Variants in MICAL3 observed in about 807,000 individuals in gnomAD.
The protein encoded by MICAL3 is microtubule associated monooxygenase, calponin and LIM domain containing 3.
A neutral mutation model predicts 207.4 loss-of-function variants in MICAL3; 62 were observed. The observed-to-expected ratio is 0.30, with a 90% CI of 0.24 to 0.37. The LOEUF is 0.37. Ranked by LOEUF, MICAL3 falls within the 10% of genes least tolerant of loss-of-function variation. MICAL3 has a pLI of 1.00. For missense variants in MICAL3, 2,368 were observed against 2,635.6 expected, an observed-to-expected ratio of 0.90 and a Z score of 2.22; for synonymous variants, 1,077 against 1,069.3, an observed-to-expected ratio of 1.01 and a Z score of -0.14.
chr22:17,969,347 A>T (rs929261682), intron 1 of MICAL3, among the ~76,000 whole-genome samples: 1 of 152,112 alleles, frequency 6.6e-6, no homozygotes, highest in Non-Finnish European at 1.5e-5. Context: ...CCAAATGAGG[A>T]CTCTTGTAGA....
intron 1 of MICAL3, among the ~76,000 whole-genome samples, chr22:17,907,723 T>C (rs907252814): frequency 4.6e-5 from 7 of 151,966 alleles, no homozygotes; most frequent in African/African-American, 1.5e-4. Flanking sequence ...TCTTAAAAGA[T>C]GAGGAACAGT....
At chr22:18,000,943 G>A (rs1036719182) in intron 1 of MICAL3, 3 of 152,112 alleles carry the variant, frequency 2.0e-5, no homozygotes, top group Non-Finnish European at 4.4e-5. Flanking sequence ...GGTAAAGACA[G>A]AGACCTCCCC....
At chr22:17,922,656 C>A (rs748450388) in intron 1 of MICAL3, among the ~76,000 whole-genome samples, 39 of 152,058 alleles carry the variant, frequency 2.6e-4, no homozygotes, top group Admixed American at 1.1e-3. Context: ...TGGCTCGGGA[C>A]GAAAGAAAAC....
intron 16 of MICAL3, chr22:17,875,682 TAAAAAAA>T: frequency 1.8e-5 from 3 of 169,642 alleles, no homozygotes; most frequent in East Asian, 1.8e-4. Context: ...CCATGTATAG[TAAAAAAA>T]AAAAAAAAAA....
rs1931255083 is a variant in MICAL3 at position 17,900,761 on chromosome 22, C to G, written c.847+81G>C. The G allele has an allele frequency of 1.5e-6, 2 of 1,314,444 alleles. No individual in the cohort carries two copies. Among genetic ancestry groups the G allele is most frequent in the Non-Finnish European group, 2.2e-6 (2 of 922,600 alleles). 81.4% of individuals were successfully genotyped at this position (1,314,444 alleles called of 1,614,324 possible). ...TGCAGGAGGGACACCGACGGCCACT[C>G]ACCCCACCAATCCCCCAAGAAAAAG... is the stretch of plus-strand genomic sequence containing the variant. On this transcript the variant is annotated intron_variant, in intron 6 of 31. Coordinates refer to ENST00000441493, the MANE Select transcript of MICAL3 (RefSeq NM_015241.3). The surrounding 1 kb of genome is among the most constrained non-coding windows in gnomAD (Gnocchi z 4.0).
chr22:17,834,624 C>T, intron 20 of MICAL3: 3 of 1,082,086 alleles, frequency 2.8e-6, no homozygotes, highest in Non-Finnish European at 3.4e-6. Flanking sequence ...AAGGTGTACG[C>T]ACATCATGCT....
At chr22:17,822,689 C>T (rs1222924218) in intron 23 of MICAL3, among the ~76,000 whole-genome samples, 1 of 152,200 alleles carries the variant, frequency 6.6e-6, no homozygotes, top group Non-Finnish European at 1.5e-5. Flanking sequence ...GGGAGCCAGT[C>T]AGCAGAATTA....
Position 17,827,548 on chromosome 22 carries a change from G to A in MICAL3, c.3193+96C>T. 2.9e-6 allele frequency: 4 copies of A among 1,364,790 alleles called. No individual in the cohort carries two copies. The South Asian group carries it at 6.1e-5, about 21-fold the overall frequency. The allele number at this position is 1,364,790 out of a possible 1,614,324, so 84.5% of individuals were successfully genotyped here. A position where few individuals can be genotyped will look rare whatever the true frequency, so the allele number is the denominator to read the frequency against. On this transcript the variant is annotated intron_variant, in intron 22 of 31. Transcript: ENST00000441493. ...CTGGCTCCCGTGTGTGACCTCATGG[G>A]TGGCTCTGCCCTGACAGAAAGGCCC... is the stretch of plus-strand genomic sequence containing the variant.
At chr22:18,012,081 A>G (rs1008852303) in intron 1 of MICAL3, among the ~76,000 whole-genome samples, 1 of 152,020 alleles carries the variant, frequency 6.6e-6, no homozygotes, top group Non-Finnish European at 1.5e-5. Flanking sequence ...CTAAAAATAG[A>G]AAAATTAGCC....
rs376340214 is a variant in MICAL3, at chr22:17,818,428, C to T, written c.4233G>A (p.Glu1411=). 4.4e-5 allele frequency: 71 copies of T among 1,612,624 alleles called. No individual in the cohort carries two copies. In the African/African-American group the frequency reaches 8.7e-4, roughly 20 times the overall value. ...LPTPRSPSDR[E]LRSAQEERRE... is the part of the protein sequence containing the mutation. ...TGCGCTCCTCCTGGGCGCTGCGTAG[C>T]TCTCTGTCGGACGGGGACCGGGGGG... The change falls in exon 26 of 32, where the codon GAG becomes GAA. Residue 1411 remains glutamate (E), a synonymous_variant. Transcript: ENST00000441493.
At chr22:17,925,342 C>CAGTATAGATT (rs1458637651) in intron 1 of MICAL3, among the ~76,000 whole-genome samples, 3 of 152,176 alleles carry the variant, frequency 2.0e-5, no homozygotes, top group Non-Finnish European at 4.4e-5. Context: ...TTTTTCTATA[C>CAGTATAGATT]CACTTGATTG....
At chr22:17,943,173 T>G (rs139134577) in intron 1 of MICAL3, among the ~76,000 whole-genome samples, 1 of 152,344 alleles carries the variant, frequency 6.6e-6, no homozygotes, top group African/African-American at 2.4e-5. Context: ...TCCTTCTTTT[T>G]TTTCTTTAAA....
Position 17,818,488 on chromosome 22 carries a change from C to A in MICAL3, c.4173G>T (p.Leu1391=), listed in dbSNP as rs372315420. The change falls in exon 26 of 32, where the codon CTG becomes CTT. Residue 1391 remains leucine, a synonymous_variant. Coordinates refer to ENST00000441493, the MANE Select transcript of MICAL3 (RefSeq NM_015241.3). ...ACAACGGCTCGCCTTCCGGCTTTGGCAGGCCCAGCCTTTTGGGGATGGACA... is the reference window on the plus strand; with the variant it reads ...ACAACGGCTCGCCTTCCGGCTTTGGAAGGCCCAGCCTTTTGGGGATGGACA... The part of the protein sequence containing the change: ...KPLSIPKRLG[L]PKPEGEPLSL... 3.3e-5 allele frequency: 53 copies of A among 1,612,816 alleles called. 1 individual carries two copies. In the South Asian group the frequency reaches 5.6e-4, roughly 17 times the overall value.
intron 1 of MICAL3, among the ~76,000 whole-genome samples, chr22:17,982,729 CATAAAA>C (rs1334433054): frequency 3.7e-4 from 52 of 141,688 alleles, no homozygotes; most frequent in African/African-American, 1.3e-3. Flanking sequence ...CATAACATAA[CATAAAA>C]ATAAAATAAA....
intron 19 of MICAL3, among the ~76,000 whole-genome samples, chr22:17,858,683 G>A (rs1393579113): frequency 6.6e-6 from 1 of 152,198 alleles, no homozygotes; most frequent in African/African-American, 2.4e-5. Context: ...AACTGACAGG[G>A]AATTTATGAG....
chr22:18,012,345 T>C (rs138690357), intron 1 of MICAL3, among the ~76,000 whole-genome samples: 1 of 152,328 alleles, frequency 6.6e-6, no homozygotes, highest in Non-Finnish European at 1.5e-5. Context: ...CTGGCAGTCA[T>C]CAGTGGGGAA....
chr22:17,930,081 T>C (rs914670287), intron 1 of MICAL3, among the ~76,000 whole-genome samples: 2 of 152,130 alleles, frequency 1.3e-5, no homozygotes, highest in African/African-American at 4.8e-5. Context: ...GTTTAACATA[T>C]TAGTCACAGG....
intron 1 of MICAL3, among the ~76,000 whole-genome samples, chr22:17,979,784 CA>C (rs35242147): frequency 0.27 from 40,473 of 148,142 alleles, 5,850 homozygotes; most frequent in African/African-American, 0.38. Context: ...TTTAAAAAAA[CA>C]AAAAAAAACA....
chr22:17,986,291 T>A (rs1469567229), intron 1 of MICAL3, among the ~76,000 whole-genome samples: 1 of 152,094 alleles, frequency 6.6e-6, no homozygotes, highest in Non-Finnish European at 1.5e-5. Flanking sequence ...GAGGCCAAGA[T>A]GGGCGGATCA....
Sources: allele counts gnomAD v4.1 joint callset (sites outside exome capture counted in the v4.1 genomes callset), GRCh38; gene constraint gnomAD v4.1.1; non-coding constraint Gnocchi (gnomAD v3.1); transcripts MANE v1.5; gene names NCBI Gene and HGNC (gene_info 2026-07-23, HGNC 2026-07-21).